CLIP1: variants seen among roughly 807,000 people sequenced by gnomAD.
CLIP1 encodes CAP-Gly domain containing linker protein 1, also known as CAP-Gly domain-containing linker protein 1.
CLIP1 carries 66 observed loss-of-function variants against 161.6 expected under a neutral mutation model. That is an observed-to-expected ratio of 0.41 (90% confidence interval 0.33 to 0.50). The LOEUF is 0.50. Ranked by LOEUF, CLIP1 falls within the 20% of genes least tolerant of loss-of-function variation. The pLI is 0.27. For synonymous variants in CLIP1, 598 were observed against 626.2 expected (o/e 0.96, Z 0.67); for missense variants, 1,376 against 1,702.0 (o/e 0.81, Z 3.37).
chr12:122,416,901 A>C (rs984526097), intron 1 of CLIP1, among the ~76,000 whole-genome samples: 10 of 151,906 alleles, frequency 6.6e-5, no homozygotes, highest in African/African-American at 2.2e-4. Flanking sequence ...ACTCCATCTC[A>C]AAAAATAATT....
In CLIP1 at chr12:122,397,490, T is replaced by C. The variant is rs1391788714; in HGVS notation, c.-106-16932A>G. ...TGGTGCACGCCTGTAATCTCAGAGG[T>C]TGCAGTGAGCCAAGATCACACCACT... On this transcript the variant is annotated intron_variant, in intron 1 of 25. Coordinates refer to ENST00000620786, the MANE Select transcript of CLIP1 (RefSeq NM_001247997.2). Among the ~76,000 whole-genome samples the C allele has an allele frequency of 2.3e-5, 3 of 129,970 alleles. No homozygotes were observed. The East Asian group carries it at 6.9e-4, about 30-fold the overall frequency. 85.3% of individuals were successfully genotyped at this position (129,970 alleles called of 152,430 possible). A position where few individuals can be genotyped will look rare whatever the true frequency, so the allele number is the denominator to read the frequency against.
At chr12:122,403,796 C>T (rs1956224704) in intron 1 of CLIP1, among the ~76,000 whole-genome samples, 1 of 152,050 alleles carries the variant, frequency 6.6e-6, no homozygotes, top group Non-Finnish European at 1.5e-5. Context: ...GTTGGGATTA[C>T]CACATGAGCC....
At chr12:122,351,078 G>T (rs188931033) in intron 9 of CLIP1, 33 bp downstream of exon 9, 25 of 1,497,250 alleles carry the variant, frequency 1.7e-5, no homozygotes, top group East Asian at 2.3e-5. Flanking sequence ...TTGTTAACAA[G>T]GGAAATATCC....
chr12:122,416,212 G>A (rs1198537281), intron 1 of CLIP1, among the ~76,000 whole-genome samples: 2 of 152,134 alleles, frequency 1.3e-5, no homozygotes, highest in Non-Finnish European at 2.9e-5. Context: ...TCTCCAGCCT[G>A]GGTGATAGAA....
chr12:122,284,927 T>A (rs894013733), intron 21 of CLIP1, among the ~76,000 whole-genome samples: 1 of 152,136 alleles, frequency 6.6e-6, no homozygotes, highest in Admixed American at 6.6e-5. Context: ...TGAGCTTTAG[T>A]TTCATCATTT....
At chr12:122,375,988 G>A (rs1481093188) in intron 3 of CLIP1, among the ~76,000 whole-genome samples, 1 of 151,744 alleles carries the variant, frequency 6.6e-6, no homozygotes, top group Non-Finnish European at 1.5e-5. Flanking sequence ...GCCCAGGCTG[G>A]AGTGTAGTGA....
rs184648170 is a variant in CLIP1 at position 122,282,958 on chromosome 12, C to T, written c.3648-3813G>A. 5.3e-5 allele frequency among the ~76,000 whole-genome samples: 8 copies of T among 152,234 alleles called. No homozygotes were observed. The East Asian group carries it at 1.3e-3, about 26-fold the overall frequency. ...AGACAGTTAGCAACCCACAGTGAGC[C>T]GGATGAGCTGAAGTAGCACGGGACC... On this transcript the variant is annotated intron_variant, in intron 21 of 25. Transcript: ENST00000620786.
intron 1 of CLIP1, among the ~76,000 whole-genome samples, chr12:122,386,265 A>AC: frequency 6.6e-6 from 1 of 152,110 alleles, no homozygotes; most frequent in Non-Finnish European, 1.5e-5. Flanking sequence ...CAGCCTGGGC[A>AC]AGTGCAAGAC....
Position 122,377,563 on chromosome 12 carries a change from G to C in CLIP1, c.483C>G (p.Pro161=). The change falls in exon 3 of 26, where the codon CCC becomes CCG. Residue 161 remains proline (P), a synonymous_variant. Transcript: ENST00000620786. The stretch of plus-strand genomic sequence containing the variant: ...TCTGAGGGATGTTTGAAGGGGTGGA[G>C]GGGGAGGAAGACACCATGCTGGCCG... ...TSTASMVSSS[P]STPSNIPQKP... 1 of 1,613,986 alleles carries C rather than the reference G, an allele frequency of 6.2e-7. No individual in the cohort carries two copies. The highest frequency in any genetic ancestry group is 1.1e-5 in the South Asian group (1 of 91,082).
chr12:122,350,822 G>A (rs188154505), intron 9 of CLIP1, among the ~76,000 whole-genome samples: 1 of 151,546 alleles, frequency 6.6e-6, no homozygotes, highest in Non-Finnish European at 1.5e-5. Flanking sequence ...GGTGAAGAAG[G>A]CCAGGTCTCC....
intron 10 of CLIP1, among the ~76,000 whole-genome samples, chr12:122,344,441 G>T: frequency 6.7e-6 from 1 of 150,134 alleles, no homozygotes; most frequent in Admixed American, 6.6e-5. Context: ...CTAAATAAAA[G>T]AAAAAAAAAC....
In CLIP1 at chr12:122,331,427, G is replaced by A. The variant is rs191494640; in HGVS notation, c.2867+1560C>T. 3.9e-3 allele frequency among the ~76,000 whole-genome samples: 592 copies of A among 152,102 alleles called. 8 individuals carry two copies. The highest frequency in any genetic ancestry group is 0.035 in the Admixed American group (529 of 15,260). ...CCTCCTGGGTTCAAGCGATTCTCCT[G>A]CCTCAGCCTCCCAAGTAGCTGAGAT... On this transcript the variant is annotated intron_variant, in intron 15 of 25. Coordinates refer to ENST00000620786, the MANE Select transcript of CLIP1 (RefSeq NM_001247997.2).
chr12:122,288,647 G>A (rs2136294420), intron 20 of CLIP1, 106 bp from the exon 21 acceptor site: 1 of 887,284 alleles, frequency 1.1e-6, no homozygotes, highest in Non-Finnish European at 1.7e-6. Context: ...TAAAGCCATT[G>A]GCTTTCCTCA....
rs141501239 is a variant in CLIP1 at position 122,272,904 on chromosome 12, T to A, written c.4288A>T (p.Thr1430Ser). The change falls in exon 26 of 26, where the codon ACC (threonine) becomes TCC (serine). Residue 1430 changes from threonine to serine, a missense_variant. Physicochemically the swap from Thr to Ser is moderately conservative, Grantham distance 58. This residue lies in a region of CLIP1 where 948 missense variants were observed against 1,134.8 expected (regional missense o/e 0.84). Coordinates refer to ENST00000620786, the MANE Select transcript of CLIP1 (RefSeq NM_001247997.2). Reference protein sequence around the residue: ...EICEMFGHWATNCNDDETF With the variant: ...EICEMFGHWASNCNDDETF ...AAGGTTTCGTCGTCATTGCAGTTGG[T>A]GGCCCAGTGTCCAAACATCTCACAG... 6.2e-7 allele frequency: 1 copy of A among 1,614,100 alleles called. No homozygotes were observed. The highest frequency in any genetic ancestry group is 1.3e-5 in the African/African-American group (1 of 74,928).
At chr12:122,287,854 A>G (rs1955919714) in intron 21 of CLIP1, among the ~76,000 whole-genome samples, 1 of 152,212 alleles carries the variant, frequency 6.6e-6, no homozygotes, top group African/African-American at 2.4e-5. Flanking sequence ...ATCAGTATTT[A>G]TATCCAGATC....
At chr12:122,400,456 TAG>T (rs1326653232) in intron 1 of CLIP1, 1 of 152,192 alleles carries the variant, frequency 6.6e-6, no homozygotes, top group Non-Finnish European at 1.5e-5. Flanking sequence ...TGGCTGTTTC[TAG>T]AGCCAGGCCC....
At chr12:122,299,209 T>C (rs1950582686) in intron 20 of CLIP1, among the ~76,000 whole-genome samples, 1 of 152,140 alleles carries the variant, frequency 6.6e-6, no homozygotes, top group Non-Finnish European at 1.5e-5. Context: ...GGAAAAGACC[T>C]ACACCCTTTG....
rs976882059 is a variant in CLIP1 at position 122,272,686 on chromosome 12, T to C, written c.*189A>G. Reference sequence around the variant, plus strand: ...TCGAGGTGAAAACTCACCTACTAAATATTTATTATTCTAACTCATACGGGG... The same window carrying C: ...TCGAGGTGAAAACTCACCTACTAAACATTTATTATTCTAACTCATACGGGG... On this transcript the variant is annotated 3_prime_UTR_variant, in exon 26 of 26. Coordinates refer to ENST00000620786, the MANE Select transcript of CLIP1 (RefSeq NM_001247997.2). 14 of 576,976 alleles carry C rather than the reference T, an allele frequency of 2.4e-5. No homozygotes were observed. The highest frequency in any genetic ancestry group is 2.2e-4 in the African/African-American group (12 of 53,402). 35.7% of individuals were successfully genotyped at this position (576,976 alleles called of 1,614,324 possible). A position where few individuals can be genotyped will look rare whatever the true frequency, so the allele number is the denominator to read the frequency against.
At chr12:122,373,530 A>T (rs1954560632) in intron 3 of CLIP1, among the ~76,000 whole-genome samples, 1 of 152,080 alleles carries the variant, frequency 6.6e-6, no homozygotes, top group Non-Finnish European at 1.5e-5. Flanking sequence ...CTGAAAAAAA[A>T]AAAAACTTAC....
Sources: gnomAD v4.1 joint callset for allele counts (sites outside exome capture counted in the v4.1 genomes callset) on GRCh38, gnomAD v4.1.1 for gene constraint, gnomAD v4.1.1 regional missense constraint, MANE v1.5 for transcripts, NCBI Gene and HGNC (gene_info 2026-07-23, HGNC 2026-07-21) for gene names.